LRP1B: variants seen among roughly 807,000 people sequenced by gnomAD.
LRP1B encodes low-density lipoprotein receptor-related protein 1B.
Under a neutral mutation model 556.6 loss-of-function variants are expected in LRP1B, and 217 were observed. The ratio of observed to expected loss-of-function variants is 0.39; its 90% confidence interval spans 0.35 to 0.44. The LOEUF is 0.44. Ranked by LOEUF, LRP1B falls within the 20% of genes least tolerant of loss-of-function variation. LRP1B has a pLI of 1.00. For missense variants in LRP1B, 5,053 were observed against 5,620.8 expected, an observed-to-expected ratio of 0.90 and a Z score of 3.23; for synonymous variants, 2,047 against 1,865.8, an observed-to-expected ratio of 1.10 and a Z score of -2.50.
intron 1 of LRP1B, among the ~76,000 whole-genome samples, chr2:141,934,127 A>T (rs1700573595): frequency 6.6e-6 from 1 of 152,166 alleles, no homozygotes; most frequent in East Asian, 1.9e-4. Context: ...TTATTTAGAT[A>T]TGAAAAATAT....
chr2:140,555,603 A>C (rs2105062573), intron 43 of LRP1B, among the ~76,000 whole-genome samples: 1 of 152,244 alleles, frequency 6.6e-6, no homozygotes, highest in South Asian at 2.1e-4. Context: ...GAGTTAAATA[A>C]GTTGGTTTAG....
At chr2:140,840,783 T>C in intron 30 of LRP1B, 135 bp downstream of exon 30, 1 of 585,722 alleles carries the variant, frequency 1.7e-6, no homozygotes, top group Non-Finnish European at 2.8e-6. Flanking sequence ...CTTTTACAGT[T>C]TCCATATTTA....
chr2:140,336,222 A>T (rs1407084283), intron 77 of LRP1B, among the ~76,000 whole-genome samples: 1 of 151,958 alleles, frequency 6.6e-6, no homozygotes, highest in Non-Finnish European at 1.5e-5. Context: ...TTCATTCCAG[A>T]AATCTTTTGT....
At chr2:141,813,330 G>C (rs531233620) in intron 1 of LRP1B, among the ~76,000 whole-genome samples, 1 of 152,138 alleles carries the variant, frequency 6.6e-6, no homozygotes, top group South Asian at 2.1e-4. Context: ...TATGGAGGCA[G>C]GTACATTTTA....
chr2:140,359,252 C>T (rs2105139610), intron 72 of LRP1B, among the ~76,000 whole-genome samples: 1 of 151,734 alleles, frequency 6.6e-6, no homozygotes, highest in Non-Finnish European at 1.5e-5. Flanking sequence ...TTTATGCCTA[C>T]AATTATGCAA....
intron 74 of LRP1B, among the ~76,000 whole-genome samples, chr2:140,357,367 G>C (rs1682274604): frequency 6.6e-6 from 1 of 151,114 alleles, no homozygotes; most frequent in East Asian, 2.0e-4. Context: ...GAAAGTTTTA[G>C]ATGCATAAAT....
intron 7 of LRP1B, among the ~76,000 whole-genome samples, chr2:141,114,828 C>G (rs564870292): frequency 1.3e-5 from 2 of 152,102 alleles, no homozygotes; most frequent in Admixed American, 6.5e-5. Context: ...GTGGGTGCGT[C>G]CATATGTGCA....
chr2:141,461,332 C>A (rs915363254), intron 3 of LRP1B, among the ~76,000 whole-genome samples: 1 of 152,010 alleles, frequency 6.6e-6, no homozygotes, highest in African/African-American at 2.4e-5. Context: ...AATGGTTATA[C>A]CAATACAGAT....
intron 1 of LRP1B, among the ~76,000 whole-genome samples, chr2:142,053,248 T>A (rs1260958411): frequency 6.6e-6 from 1 of 152,164 alleles, no homozygotes; most frequent in African/African-American, 2.4e-5. Flanking sequence ...ATAGTTAAAT[T>A]CAACGTTACT....
At chr2:141,789,280 C>T (rs1448307977) in intron 2 of LRP1B, among the ~76,000 whole-genome samples, 1 of 152,068 alleles carries the variant, frequency 6.6e-6, no homozygotes, top group Non-Finnish European at 1.5e-5. Flanking sequence ...AGCATTGTTA[C>T]AAAATGATAA....
At chr2:141,751,037 A>G (rs751089856) in intron 2 of LRP1B, among the ~76,000 whole-genome samples, 1 of 151,962 alleles carries the variant, frequency 6.6e-6, no homozygotes, top group Non-Finnish European at 1.5e-5. Context: ...ACATTTAAGT[A>G]TATATATAAA....
intron 3 of LRP1B, among the ~76,000 whole-genome samples, chr2:141,409,814 T>C (rs72985158): frequency 6.6e-6 from 1 of 152,066 alleles, no homozygotes; most frequent in Non-Finnish European, 1.5e-5. Context: ...TGGCCAAGGA[T>C]AGTGTATCTG....
At chr2:141,542,282 TTAAC>T (rs1685288843) in intron 2 of LRP1B, among the ~76,000 whole-genome samples, 1 of 151,964 alleles carries the variant, frequency 6.6e-6, no homozygotes, top group Non-Finnish European at 1.5e-5. Flanking sequence ...ATAAAGTAAT[TTAAC>T]TAAAAGAATT....
At chr2:141,485,477 CT>C (rs1683088636) in intron 2 of LRP1B, among the ~76,000 whole-genome samples, 1 of 152,122 alleles carries the variant, frequency 6.6e-6, no homozygotes, top group South Asian at 2.1e-4. Context: ...TGGAAAACTG[CT>C]TAAATCAGTA....
At chr2:141,051,999 A>G (rs140129772) in intron 10 of LRP1B, among the ~76,000 whole-genome samples, 1 of 152,074 alleles carries the variant, frequency 6.6e-6, no homozygotes, top group South Asian at 2.1e-4. Context: ...ATTATTGTCT[A>G]TGTTGAACCA....
intron 3 of LRP1B, among the ~76,000 whole-genome samples, chr2:141,389,688 G>A (rs1275107582): frequency 7.2e-5 from 11 of 151,958 alleles, no homozygotes; most frequent in African/African-American, 1.2e-4. Context: ...CCAAGAAAGC[G>A]AAAAAGCAAT....
chr2:140,342,345 A>G (rs955544407), intron 77 of LRP1B, among the ~76,000 whole-genome samples: 1 of 151,456 alleles, frequency 6.6e-6, no homozygotes, highest in Admixed American at 6.6e-5. Flanking sequence ...CCAATTATGC[A>G]TGACATACTA....
intron 2 of LRP1B, among the ~76,000 whole-genome samples, chr2:141,735,753 T>G (rs1052155584): frequency 1.3e-5 from 2 of 152,174 alleles, no homozygotes; most frequent in African/African-American, 4.8e-5. Flanking sequence ...AATCTTAATT[T>G]CCATTCTTCC....
intron 66 of LRP1B, among the ~76,000 whole-genome samples, chr2:140,424,260 A>C (rs1685567601): frequency 6.6e-6 from 1 of 152,228 alleles, no homozygotes; most frequent in Non-Finnish European, 1.5e-5. Context: ...AAGTTAATCC[A>C]AAAAATTTTT....
Sources: allele counts gnomAD v4.1 joint callset (sites outside exome capture counted in the v4.1 genomes callset), GRCh38; gene constraint gnomAD v4.1.1; transcripts MANE v1.5; gene names NCBI Gene and HGNC (gene_info 2026-07-23, HGNC 2026-07-21).